Variants in SNTG2 observed in about 807,000 individuals in gnomAD.
SNTG2 encodes the protein gamma-2-syntrophin.
A neutral mutation model predicts 70.9 loss-of-function variants in SNTG2; 74 were observed. The ratio of observed to expected loss-of-function variants is 1.04; its 90% CI spans 0.86 to 1.27. SNTG2 has a LOEUF of 1.27. Among genes scored for constraint, SNTG2 ranks in the 50% most tolerant of loss-of-function variants. SNTG2 has a pLI of 0.00. For missense variants in SNTG2, 717 were observed against 690.7 expected (o/e 1.04, Z -0.43); for synonymous variants, 278 against 273.8 (o/e 1.02, Z -0.15).
At chr2:961,230 G>A (rs1660339462) in intron 1 of SNTG2, among the ~76,000 whole-genome samples, 1 of 152,138 alleles carries the variant, frequency 6.6e-6, no homozygotes, top group African/African-American at 2.4e-5. Context: ...TTTTTGAGAC[G>A]GTGTCTTGCT....
chr2:1,248,984 G>T (rs1220785117), intron 12 of SNTG2, among the ~76,000 whole-genome samples: 3 of 152,210 alleles, frequency 2.0e-5, no homozygotes, highest in Non-Finnish European at 4.4e-5. Context: ...GTTATGTCCT[G>T]CCTTGGGATG....
At chr2:1,355,307 A>T (rs377295082) in intron 16 of SNTG2, among the ~76,000 whole-genome samples, 2 of 152,104 alleles carry the variant, frequency 1.3e-5, no homozygotes, top group African/African-American at 4.8e-5. Flanking sequence ...GCGCCCCTTT[A>T]TCTCACATGA....
intron 1 of SNTG2, among the ~76,000 whole-genome samples, chr2:1,069,473 T>A (rs933064707): frequency 1.4e-5 from 2 of 146,552 alleles, no homozygotes; most frequent in African/African-American, 5.0e-5. Flanking sequence ...GGAAAGAAAA[T>A]ATCCACTGAG....
intron 14 of SNTG2, among the ~76,000 whole-genome samples, chr2:1,291,658 A>G (rs538684140): frequency 6.6e-6 from 1 of 152,186 alleles, no homozygotes; most frequent in Non-Finnish European, 1.5e-5. Context: ...CTGAGCACCT[A>G]TGTGAGGGTT....
intron 1 of SNTG2, among the ~76,000 whole-genome samples, chr2:1,058,954 G>T (rs559055762): frequency 4.6e-5 from 7 of 152,224 alleles, no homozygotes; most frequent in Admixed American, 3.3e-4. Context: ...GGGAGAGCAG[G>T]ATGGCAGCCA....
At chr2:1,103,423 GC>G in intron 4 of SNTG2, 1 of 251,748 alleles carries the variant, frequency 4.0e-6, no homozygotes, top group Non-Finnish European at 7.7e-6. Context: ...TTGCTCTGTC[GC>G]CCAGGCTGGA....
chr2:1,304,188 A>G (rs537007605), intron 14 of SNTG2, among the ~76,000 whole-genome samples: 1 of 152,358 alleles, frequency 6.6e-6, no homozygotes, highest in South Asian at 2.1e-4. Flanking sequence ...CAGACACTCA[A>G]TCTTCAAGAA....
chr2:1,215,587 G>A (rs1486023036), intron 9 of SNTG2, among the ~76,000 whole-genome samples: 10 of 150,674 alleles, frequency 6.6e-5, no homozygotes, highest in Non-Finnish European at 7.4e-5. Context: ...TAAGTTCTAG[G>A]GTACACGTGC....
At chr2:993,315 G>C (rs913111611) in intron 1 of SNTG2, among the ~76,000 whole-genome samples, 1 of 146,452 alleles carries the variant, frequency 6.8e-6, no homozygotes, top group Non-Finnish European at 1.5e-5. Flanking sequence ...TTAGCATAAT[G>C]ATTTCAAGTT....
chr2:1,126,841 T>C (rs1667725770), intron 4 of SNTG2, among the ~76,000 whole-genome samples: 1 of 152,198 alleles, frequency 6.6e-6, no homozygotes, highest in South Asian at 2.1e-4. Flanking sequence ...TCGAGAGATT[T>C]GAGTTCCTTG....
At chr2:1,166,280 C>T (rs1190553245) in intron 7 of SNTG2, among the ~76,000 whole-genome samples, 1 of 152,136 alleles carries the variant, frequency 6.6e-6, no homozygotes, top group African/African-American at 2.4e-5. Flanking sequence ...AAGGCAAGGC[C>T]CAGGCTCCCC....
intron 8 of SNTG2, among the ~76,000 whole-genome samples, chr2:1,207,218 A>G (rs577879356): frequency 3.9e-5 from 6 of 152,246 alleles, no homozygotes; most frequent in Non-Finnish European, 7.3e-5. Context: ...ATTCTCGTGC[A>G]TGCACCAAAG....
chr2:980,753 G>T (rs996366907), intron 1 of SNTG2, among the ~76,000 whole-genome samples: 4 of 152,006 alleles, frequency 2.6e-5, no homozygotes, highest in African/African-American at 9.7e-5. Flanking sequence ...GGGATGTGAT[G>T]AAACCTTGTT....
At chr2:1,273,753 A>G (rs1040322404) in intron 14 of SNTG2, among the ~76,000 whole-genome samples, 2 of 151,898 alleles carry the variant, frequency 1.3e-5, no homozygotes, top group African/African-American at 4.8e-5. Context: ...TGGTTATGCA[A>G]ATATTTCTCA....
chr2:1,093,413 T>C (rs1665165021), intron 2 of SNTG2, among the ~76,000 whole-genome samples: 1 of 152,204 alleles, frequency 6.6e-6, no homozygotes, highest in Non-Finnish European at 1.5e-5. Context: ...GGAGGCAGGA[T>C]AACTTCAGCC....
intron 8 of SNTG2, among the ~76,000 whole-genome samples, chr2:1,201,778 A>T (rs1003995389): frequency 2.0e-5 from 3 of 151,998 alleles, no homozygotes; most frequent in Non-Finnish European, 4.4e-5. Flanking sequence ...AAAACAAATA[A>T]AAGTAAATGA....
At chr2:972,337 A>G (rs1660770050) in intron 1 of SNTG2, among the ~76,000 whole-genome samples, 1 of 152,188 alleles carries the variant, frequency 6.6e-6, no homozygotes, top group South Asian at 2.1e-4. Context: ...ATACACATTT[A>G]GCATAGTTAA....
At chr2:1,361,881 C>T (rs1471896216) in intron 16 of SNTG2, among the ~76,000 whole-genome samples, 12 of 98,484 alleles carry the variant, frequency 1.2e-4, no homozygotes, top group African/African-American at 1.9e-4. Flanking sequence ...GTCACCAACG[C>T]TGAGCATTTC....
intron 12 of SNTG2, among the ~76,000 whole-genome samples, chr2:1,255,569 C>G (rs767869256): frequency 2.0e-5 from 3 of 151,918 alleles, no homozygotes; most frequent in Non-Finnish European, 4.4e-5. Flanking sequence ...GTCAAGATCT[C>G]TGAGCCTCAC....
Sources: allele counts gnomAD v4.1 joint callset (sites outside exome capture counted in the v4.1 genomes callset), GRCh38; gene constraint gnomAD v4.1.1; transcripts MANE v1.5; gene names NCBI Gene and HGNC (gene_info 2026-07-23, HGNC 2026-07-21).